CCBE1: variants seen among roughly 807,000 people sequenced by gnomAD.
The protein encoded by CCBE1 is collagen and calcium binding EGF domains 1.
CCBE1 carries 37 observed loss-of-function variants against 50.0 expected under a neutral mutation model. That is an observed-to-expected ratio of 0.74 (90% CI 0.57 to 0.97). The LOEUF (loss-of-function observed/expected upper bound fraction) is 0.97. Among genes scored for constraint, CCBE1 ranks in the 50% least tolerant of loss-of-function variants. The pLI, the probability that CCBE1 is intolerant of heterozygous loss-of-function variation, is 0.00. For synonymous variants in CCBE1, 234 were observed against 203.7 expected, an observed-to-expected ratio of 1.15 and a Z score of -1.27; for missense variants, 538 against 523.8, an observed-to-expected ratio of 1.03 and a Z score of -0.26.
At chr18:59,669,899 T>C (rs1418019416) in intron 2 of CCBE1, among the ~76,000 whole-genome samples, 3 of 152,140 alleles carry the variant, frequency 2.0e-5, no homozygotes, top group East Asian at 3.8e-4. Context: ...CCCAGCACAG[T>C]GTGTAGCACA....
intron 6 of CCBE1, among the ~76,000 whole-genome samples, chr18:59,451,402 G>C (rs933906172): frequency 2.3e-5 from 3 of 131,364 alleles, no homozygotes; most frequent in Admixed American, 8.9e-5. Flanking sequence ...TCTCAAATCC[G>C]ATAGTCCCTG....
chr18:59,605,642 T>C (rs1429573), intron 2 of CCBE1, among the ~76,000 whole-genome samples: 54,252 of 151,968 alleles, frequency 0.36, 10,072 homozygotes, highest in East Asian at 0.61. Context: ...GGAGCCTCTT[T>C]GACCTCTCAA....
chr18:59,579,696 C>T (rs371830270), intron 2 of CCBE1, among the ~76,000 whole-genome samples: 10 of 152,328 alleles, frequency 6.6e-5, no homozygotes, highest in African/African-American at 1.9e-4. Context: ...GCCAACAGAA[C>T]GGAATGTTAG....
chr18:59,690,847 T>C (rs1176452562), intron 2 of CCBE1, among the ~76,000 whole-genome samples: 1 of 152,232 alleles, frequency 6.6e-6, no homozygotes, highest in Non-Finnish European at 1.5e-5. Context: ...CCAAAGCCAG[T>C]GTCTGTGGCA....
At chr18:59,696,173 C>G (rs1269471632) in intron 2 of CCBE1, among the ~76,000 whole-genome samples, 1 of 152,184 alleles carries the variant, frequency 6.6e-6, no homozygotes, top group Admixed American at 6.5e-5. Flanking sequence ...ACAATCCTCC[C>G]CCTACTTTTT....
rs113628035 is a variant in CCBE1, at chr18:59,649,063, T to G, written c.212+47566A>C. On this transcript the variant is annotated intron_variant, in intron 2 of 10. Transcript: ENST00000439986. ...AGTGTCTGAGGAGAGGACGATTCAG[T>G]GGTCCATCAAGACTATTTTTTACAA... is the stretch of plus-strand genomic sequence containing the variant. Among the ~76,000 whole-genome samples, 615 of 152,308 alleles carry G rather than the reference T, an allele frequency of 4.0e-3. 6 individuals are homozygous for G. Among genetic ancestry groups the G allele is most frequent in the African/African-American group, 0.013 (558 of 41,552 alleles).
At chr18:59,657,038 C>T (rs951838894) in intron 2 of CCBE1, among the ~76,000 whole-genome samples, 3 of 152,218 alleles carry the variant, frequency 2.0e-5, no homozygotes, top group Admixed American at 2.0e-4. Context: ...AATGTCTCCA[C>T]CCTTTGTCTT....
intron 2 of CCBE1, among the ~76,000 whole-genome samples, chr18:59,583,676 TGTGTGCGCGCGCGCGCGCGCGCGC>T (rs1167950443): frequency 1.1e-3 from 79 of 68,846 alleles, no homozygotes; most frequent in Non-Finnish European, 1.8e-3. Context: ...TGTGTGTGTG[TGTGTGCGCGCGCGCGCGCGCGCGC>T]GTGTGTGTGT....
chr18:59,478,921 A>G (rs1369350053), intron 3 of CCBE1, among the ~76,000 whole-genome samples: 2 of 152,210 alleles, frequency 1.3e-5, no homozygotes, highest in Admixed American at 1.3e-4. Context: ...CACCACATCA[A>G]CCATCACACG....
At chr18:59,654,285 A>G (rs12185444) in intron 2 of CCBE1, among the ~76,000 whole-genome samples, 140,157 of 152,252 alleles carry the variant, frequency 0.92, 64,545 homozygotes, top group East Asian at 0.98. Flanking sequence ...TACCCAGCAC[A>G]GGTTTTGTTT....
intron 2 of CCBE1, among the ~76,000 whole-genome samples, chr18:59,668,223 G>T (rs2054381404): frequency 6.6e-6 from 1 of 152,040 alleles, no homozygotes. Context: ...TTCAAGACCA[G>T]CCTGGCCAAG....
chr18:59,647,665 G>A (rs1223342820), intron 2 of CCBE1, among the ~76,000 whole-genome samples: 2 of 152,116 alleles, frequency 1.3e-5, no homozygotes, highest in African/African-American at 4.8e-5. Context: ...CTCCACCTGT[G>A]AATAATTACC....
intron 2 of CCBE1, among the ~76,000 whole-genome samples, chr18:59,550,998 C>CAAAAAAAAAAAAAAAAAAGAAAAAAAAAA (rs1915894171): frequency 1.4e-5 from 1 of 71,362 alleles, no homozygotes. Flanking sequence ...CAGCGAGACT[C>CAAAAAAAAAAAAAAAAAAGAAAAAAAAAA]AAAAAAAAAA....
Position 59,697,355 on chromosome 18 carries a change from C to A in CCBE1, c.-13G>T. On this transcript the variant is annotated 5_prime_UTR_variant, in exon 1 of 11. Coordinates refer to ENST00000439986, the MANE Select transcript of CCBE1 (RefSeq NM_133459.4). ...GCGGCGGCACCATCAGGGAAGCTCCCGGCTTCTTCCCAGCGCCGAGCTCCG... is the reference window on the plus strand; with the variant it reads ...GCGGCGGCACCATCAGGGAAGCTCCAGGCTTCTTCCCAGCGCCGAGCTCCG... The A allele has an allele frequency of 1.3e-6, 2 of 1,544,724 alleles. No individual in the cohort carries two copies. The highest frequency in any genetic ancestry group is 1.2e-5 in the South Asian group (1 of 83,890).
At chr18:59,539,985 C>A (rs1213123839) in intron 2 of CCBE1, among the ~76,000 whole-genome samples, 2 of 152,188 alleles carry the variant, frequency 1.3e-5, no homozygotes, top group Non-Finnish European at 2.9e-5. Flanking sequence ...TCTCCCTACC[C>A]ATTAATCTCC....
At chr18:59,453,658 G>A (rs952011050) in intron 6 of CCBE1, among the ~76,000 whole-genome samples, 5 of 152,124 alleles carry the variant, frequency 3.3e-5, no homozygotes, top group African/African-American at 1.2e-4. Context: ...ACCATCTCAG[G>A]CTTACTCTCA....
At chr18:59,485,584 A>ATATTTATTTATTTATTTATT (rs60888501) in intron 2 of CCBE1, among the ~76,000 whole-genome samples, 93 of 140,882 alleles carry the variant, frequency 6.6e-4, no homozygotes, top group African/African-American at 1.7e-3. Flanking sequence ...GATATATCAG[A>ATATTTATTTATTTATTTATT]TATTTATTTA....
chr18:59,525,653 T>C (rs1386412149), intron 2 of CCBE1, among the ~76,000 whole-genome samples: 1 of 152,266 alleles, frequency 6.6e-6, no homozygotes, highest in Non-Finnish European at 1.5e-5. Context: ...ATTTTTGTCA[T>C]GAAATATTTT....
At chr18:59,454,256 T>G (rs1284617428) in intron 6 of CCBE1, among the ~76,000 whole-genome samples, 2 of 152,106 alleles carry the variant, frequency 1.3e-5, no homozygotes, top group Admixed American at 1.3e-4. Flanking sequence ...CCTAGAAATT[T>G]GTTTTGAGTT....
Sources: allele counts gnomAD v4.1 joint callset (sites outside exome capture counted in the v4.1 genomes callset), GRCh38; gene constraint gnomAD v4.1.1; transcripts MANE v1.5; gene names NCBI Gene and HGNC (gene_info 2026-07-23, HGNC 2026-07-21).